RFX8: variants seen among roughly 807,000 people sequenced by gnomAD.
RFX8 encodes the protein DNA-binding protein RFX8.
In RFX8, 46 loss-of-function variants were observed where a neutral mutation model predicts 54.6. The observed-to-expected ratio is 0.84, with a 90% CI of 0.67 to 1.08. The LOEUF is 1.08. Among genes scored for constraint, RFX8 ranks in the 50% least tolerant of loss-of-function variants. The pLI is 0.00. For missense variants in RFX8, 536 were observed against 562.3 expected, an observed-to-expected ratio of 0.95 and a Z score of 0.47; for synonymous variants, 192 against 209.5, an observed-to-expected ratio of 0.92 and a Z score of 0.72.
rs186364116 is a variant in RFX8, at chr2:101,418,841, G to T, written c.351+10C>A. 1.3e-6 allele frequency: 2 copies of T among 1,516,424 alleles called. No individual in the cohort carries two copies. Among genetic ancestry groups the T allele is most frequent in the African/African-American group, 1.4e-5 (1 of 72,456 alleles). 93.9% of individuals were successfully genotyped at this position (1,516,424 alleles called of 1,614,324 possible). ...AAGGATATACTCTAGAGACTCACGC[G>T]TCCTCCTACCTTGTACAGCTGGACG... On this transcript the variant is annotated intron_variant, in intron 5 of 11. Transcript: ENST00000428343.
rs1338352887 is a variant in RFX8, at chr2:101,466,806, T to C, written c.43A>G (p.Asn15Asp). 2.0e-5 allele frequency: 31 copies of C among 1,551,516 alleles called. No homozygotes were observed. Among genetic ancestry groups the C allele is most frequent in the Non-Finnish European group, 2.5e-5 (29 of 1,146,920 alleles). Residue 15 changes from asparagine (N) to aspartate (D), a missense_variant, in exon 2 of 12, where the codon AAC becomes GAC. Transcript: ENST00000428343. ...CCAAAGGTGGCCGGGTTGACTTGGT[T>C]CTCAGTGTTTTGCCCACAGGTCTCC... is the stretch of plus-strand genomic sequence containing the variant. ...YVETCGQNTE[N>D]QVNPATFGKC... is the part of the protein sequence containing the mutation.
intron 2 of RFX8, among the ~76,000 whole-genome samples, chr2:101,458,055 T>C (rs1404599837): frequency 6.6e-6 from 1 of 152,158 alleles, no homozygotes; most frequent in Admixed American, 6.6e-5. Context: ...TCGCTTTGCA[T>C]TTGCTTGGTA....
intron 1 of RFX8, among the ~76,000 whole-genome samples, chr2:101,472,162 G>A (rs959499657): frequency 1.3e-5 from 2 of 152,138 alleles, no homozygotes; most frequent in East Asian, 1.9e-4. Context: ...GCAGAGTGGC[G>A]CAATCTTGGT....
chr2:101,404,911 G>A (rs1685642480), intron 10 of RFX8, among the ~76,000 whole-genome samples: 1 of 152,184 alleles, frequency 6.6e-6, no homozygotes, highest in Admixed American at 6.5e-5. Context: ...TGCAAAGCTG[G>A]TCTAGAATAG....
intron 2 of RFX8, among the ~76,000 whole-genome samples, chr2:101,436,809 G>A (rs1481014345): frequency 6.6e-6 from 1 of 152,152 alleles, no homozygotes; most frequent in Admixed American, 6.5e-5. Flanking sequence ...TCTGTTGGCC[G>A]CTGACCTCCT....
At chr2:101,465,073 C>T (rs1689499108) in intron 2 of RFX8, among the ~76,000 whole-genome samples, 1 of 152,108 alleles carries the variant, frequency 6.6e-6, no homozygotes, top group African/African-American at 2.4e-5. Context: ...GGGGAATTCC[C>T]AGCTACTGGG....
chr2:101,422,348 G>C lies in RFX8; in HGVS notation c.183+14C>G. On this transcript the variant is annotated intron_variant, in intron 3 of 11. Transcript: ENST00000428343. ...CAGCGTGAAAGGCTAATCTCCCCATGAGTGCAAACCTACCATATTACAGGA... is the reference window on the plus strand; with the variant it reads ...CAGCGTGAAAGGCTAATCTCCCCATCAGTGCAAACCTACCATATTACAGGA... 5 of 1,288,630 alleles carry C rather than the reference G, an allele frequency of 3.9e-6. No homozygotes were observed. The highest frequency in any genetic ancestry group is 5.5e-6 in the Non-Finnish European group (5 of 906,210). 79.8% of individuals were successfully genotyped at this position (1,288,630 alleles called of 1,614,324 possible).
intron 1 of RFX8, among the ~76,000 whole-genome samples, chr2:101,471,191 G>C (rs1250640430): frequency 2.0e-5 from 3 of 151,930 alleles, no homozygotes; most frequent in Non-Finnish European, 2.9e-5. Context: ...AAAATTAGCT[G>C]GGCGCAGTGG....
chr2:101,428,125 C>T (rs1016011658), intron 2 of RFX8, among the ~76,000 whole-genome samples: 5 of 152,112 alleles, frequency 3.3e-5, no homozygotes, highest in East Asian at 3.9e-4. Context: ...GAAACCCTGT[C>T]TCTACGAAAA....
At chr2:101,401,142 T>C (rs1179321774) in intron 11 of RFX8, among the ~76,000 whole-genome samples, 2 of 152,204 alleles carry the variant, frequency 1.3e-5, no homozygotes, top group Non-Finnish European at 2.9e-5. Flanking sequence ...CGTTGGAATC[T>C]ACCTCACAGA....
At chr2:101,416,342 C>T (rs977307477) in intron 6 of RFX8, among the ~76,000 whole-genome samples, 6 of 152,142 alleles carry the variant, frequency 3.9e-5, no homozygotes, top group African/African-American at 1.4e-4. Flanking sequence ...ACCGCTTTTG[C>T]AGCAAGTCCC....
intron 2 of RFX8, among the ~76,000 whole-genome samples, chr2:101,442,842 T>A (rs570733334): frequency 3.9e-5 from 6 of 152,194 alleles, no homozygotes; most frequent in Middle Eastern, 3.4e-3. Flanking sequence ...GAGGTGCTCC[T>A]CCTACTGATG....
At chr2:101,413,852 G>A (rs1034257548) in intron 7 of RFX8, among the ~76,000 whole-genome samples, 4 of 152,162 alleles carry the variant, frequency 2.6e-5, no homozygotes, top group Admixed American at 2.6e-4. Flanking sequence ...ACACAACCCC[G>A]CTGAGCTCAG....
intron 2 of RFX8, among the ~76,000 whole-genome samples, chr2:101,463,529 G>C (rs1394561388): frequency 6.6e-6 from 1 of 152,218 alleles, no homozygotes; most frequent in Non-Finnish European, 1.5e-5. Flanking sequence ...GGAGAGCCCA[G>C]ACTCTGCCTT....
intron 2 of RFX8, among the ~76,000 whole-genome samples, chr2:101,462,428 T>A (rs1281895320): frequency 6.6e-6 from 1 of 151,590 alleles, no homozygotes; most frequent in Non-Finnish European, 1.5e-5. Flanking sequence ...ACACTCTGCC[T>A]CAAAAAAAGG....
At chr2:101,453,069 A>G (rs1341375401) in intron 2 of RFX8, among the ~76,000 whole-genome samples, 9 of 103,526 alleles carry the variant, frequency 8.7e-5, no homozygotes, top group African/African-American at 3.9e-4. Flanking sequence ...CCGAGATCGC[A>G]CCACTGCACT....
intron 8 of RFX8, among the ~76,000 whole-genome samples, chr2:101,412,241 C>T (rs113198885): frequency 0.013 from 1,991 of 152,306 alleles, 55 homozygotes; most frequent in African/African-American, 0.044. Flanking sequence ...CCTGCAGCTT[C>T]CTGCCTCCCA....
intron 2 of RFX8, among the ~76,000 whole-genome samples, chr2:101,445,367 T>C (rs1016979370): frequency 6.6e-5 from 10 of 151,948 alleles, no homozygotes; most frequent in Non-Finnish European, 1.3e-4. Context: ...ATGACTCCAT[T>C]GTATTGTCTT....
At chr2:101,410,755 C>T in intron 8 of RFX8, 42 bp from the exon 9 acceptor site, 1 of 1,035,872 alleles carries the variant, frequency 9.7e-7, no homozygotes, top group Non-Finnish European at 1.5e-6. Context: ...TTGCATGCAG[C>T]AGAGCAGAAT....
Sources: allele counts gnomAD v4.1 joint callset (sites outside exome capture counted in the v4.1 genomes callset), GRCh38; gene constraint gnomAD v4.1.1; transcripts MANE v1.5; gene names NCBI Gene and HGNC (gene_info 2026-07-23, HGNC 2026-07-21).